Variants in H3C4 observed in about 807,000 individuals in gnomAD.
H3C4 encodes the protein histone H3.1.
A neutral mutation model predicts 8.7 loss-of-function variants in H3C4; 10 were observed. The observed-to-expected ratio is 1.15, with a 90% CI of 0.71 to 1.96. The LOEUF (loss-of-function observed/expected upper bound fraction) is 1.96. H3C4 is among the 30% of genes most tolerant of loss of function. The pLI is 0.00. For missense variants in H3C4, 216 were observed against 192.9 expected, an observed-to-expected ratio of 1.12 and a Z score of -0.71; for synonymous variants, 141 against 80.1, an observed-to-expected ratio of 1.76 and a Z score of -4.06.
chr6:26,199,249 A>G (rs752924283), upstream of H3C4: 2 of 1,591,802 alleles, frequency 1.3e-6, no homozygotes, highest in Non-Finnish European at 1.7e-6. Flanking sequence ...GACATTTTGA[A>G]TTCTTAAAAA....
chr6:26,197,260 C>A lies in H3C4; in HGVS notation c.-10G>T. 6.2e-7 allele frequency: 1 copy of A among 1,600,158 alleles called. No homozygotes were observed. The highest frequency in any genetic ancestry group is 8.5e-7 in the Non-Finnish European group (1 of 1,176,328). On this transcript the variant is annotated 5_prime_UTR_variant, in exon 1 of 1. Transcript: ENST00000356476. ...GCTTGGTACGAGCCATTGCGAACTT[C>A]TAAACCCTGCTAAATGACGAAAAAA...
At chr6:26,199,050 T>G, upstream of H3C4, 1 of 1,614,136 alleles carries the variant, frequency 6.2e-7, no homozygotes, top group Non-Finnish European at 8.5e-7. Flanking sequence ...GCCCGCCAGC[T>G]CCAGGATCTC....
rs41266801 is a variant in H3C4 at position 26,197,265 on chromosome 6, C to A, written c.-15G>T. 0.14 allele frequency: 227,360 copies of A among 1,600,818 alleles called. 16,945 individuals are homozygous for A. The highest frequency in any genetic ancestry group is 0.24 in the Middle Eastern group (1,469 of 6,018). ...GTACGAGCCATTGCGAACTTCTAAA[C>A]CCTGCTAAATGACGAAAAAACGAAA... On this transcript the variant is annotated 5_prime_UTR_variant, in exon 1 of 1. Transcript: ENST00000356476.
chr6:26,198,938 T>C (rs142041097), upstream of H3C4: 8 of 1,614,202 alleles, frequency 5.0e-6, no homozygotes, highest in Non-Finnish European at 6.8e-6. Context: ...CCTGAGCAAT[T>C]GTGACTTTAC....
chr6:26,197,131 GT>G lies in H3C4; in HGVS notation c.119del (p.His40ProfsTer23). 1 of 1,614,220 alleles carries G rather than the reference GT, an allele frequency of 6.2e-7. No homozygotes were observed. Among genetic ancestry groups the G allele is most frequent in the Non-Finnish European group, 8.5e-7 (1 of 1,180,032 alleles). On this transcript the variant is annotated frameshift_variant, in exon 1 of 1. Coordinates refer to ENST00000356476, the MANE Select transcript of H3C4 (RefSeq NM_001376937.1). LOFTEE classifies it high-confidence loss of function. ...GAGCCACCGTGCCGGGCCGGTAACG[GT>G]GGGGCTTCTTCACGCCGCCGGTGGC... ...APATGGVKKP[H>X]RYRPGTVALR...
chr6:26,198,726 A>G (rs1015165682), upstream of H3C4: 3 of 932,208 alleles, frequency 3.2e-6, 1 homozygote, highest in South Asian at 3.5e-5. Context: ...AAAAATTATT[A>G]AAGAAAACTG....
At position 26,196,841 on chromosome 6, in the gene H3C4, T is replaced by A. The variant is rs1311321510; in HGVS notation, c.410A>T (p.Ter137LeuextTer4). 1.2e-6 allele frequency: 2 copies of A among 1,614,106 alleles called. No individual in the cohort carries two copies. Among genetic ancestry groups the A allele is most frequent in the African/African-American group, 2.7e-5 (2 of 74,948 alleles). ...GTTAGCACACATTCACAAGACAATT[T>A]ACGCCCTCTCCCCACGAATGCGGCG... Reference protein sequence around the residue: ...LARRIRGERA* With the variant: ...LARRIRGERAL The change falls in exon 1 of 1, where the codon TAA becomes TTA. Residue 137 changes from the stop codon to leucine (L), a stop_lost. Transcript: ENST00000356476.
chr6:26,197,061 G>C lies in H3C4; in HGVS notation c.190C>G (p.Arg64Gly). The change falls in exon 1 of 1, where the codon CGC (arginine) becomes GGC (glycine). Residue 64 changes from arginine (R) to glycine (G), a missense_variant. Coordinates refer to ENST00000356476, the MANE Select transcript of H3C4 (RefSeq NM_001376937.1). Reference protein sequence around the residue: ...RYQKSTELLIRKLPFQRLVRE... With the variant: ...RYQKSTELLIGKLPFQRLVRE... ...ACTAGACGCTGGAATGGCAGTTTGC[G>C]AATCAGCAGCTCGGTCGACTTCTGG... 6.2e-7 allele frequency: 1 copy of C among 1,614,244 alleles called. No homozygotes were observed. Among genetic ancestry groups the C allele is most frequent in the Non-Finnish European group, 8.5e-7 (1 of 1,180,042 alleles).
chr6:26,197,404 T>G, upstream of H3C4: 2 of 683,810 alleles, frequency 2.9e-6, no homozygotes, highest in African/African-American at 1.8e-5. Flanking sequence ...GAACATCTCC[T>G]GCATGTAGAC....
chr6:26,197,621 C>A (rs548664463), upstream of H3C4, among the ~76,000 whole-genome samples: 5 of 151,988 alleles, frequency 3.3e-5, no homozygotes, highest in Non-Finnish European at 1.5e-5. Context: ...AAGACGCGCG[C>A]TAGTTGTGAT....
Position 26,196,815 on chromosome 6 carries a change from G to A in H3C4, c.*25C>T, listed in dbSNP as rs1443250153. The A allele has an allele frequency of 9.9e-6, 16 of 1,613,616 alleles. No individual in the cohort carries two copies. Among genetic ancestry groups the A allele is most frequent in the Non-Finnish European group, 1.4e-5 (16 of 1,179,646 alleles). On this transcript the variant is annotated 3_prime_UTR_variant, in exon 1 of 1. Coordinates refer to ENST00000356476, the MANE Select transcript of H3C4 (RefSeq NM_001376937.1). ...GCTCTGAAAAGAGCCTTTGGGTTTT[G>A]GTTAGCACACATTCACAAGACAATT...
At chr6:26,199,178 G>A (rs138430545), upstream of H3C4, 49 of 1,614,086 alleles carry the variant, frequency 3.0e-5, no homozygotes, top group East Asian at 2.9e-4. Context: ...ACTGGAGTCC[G>A]GCCCGCGAAG....
At chr6:26,199,283 A>G (rs1469832679), upstream of H3C4, 2 of 1,575,444 alleles carry the variant, frequency 1.3e-6, no homozygotes, top group Non-Finnish European at 1.7e-6. Context: ...TGAAGACAAA[A>G]ATGTAAAAGT....
upstream of H3C4, chr6:26,199,211 G>A (rs761246386): frequency 6.8e-6 from 11 of 1,608,706 alleles, no homozygotes; most frequent in East Asian, 2.2e-5. Context: ...CCTTAGCTCG[G>A]GCCTTTCCGC....
upstream of H3C4, among the ~76,000 whole-genome samples, chr6:26,198,000 G>T (rs920772773): frequency 6.6e-6 from 1 of 151,222 alleles, no homozygotes; most frequent in African/African-American, 2.4e-5. Flanking sequence ...GGCTCCAGGG[G>T]ATGTAGGTTT....
chr6:26,197,567 T>C (rs543354504), upstream of H3C4, among the ~76,000 whole-genome samples: 1 of 152,312 alleles, frequency 6.6e-6, no homozygotes, highest in Non-Finnish European at 1.5e-5. Context: ...CTTAATTTTT[T>C]TTTAAATGTT....
chr6:26,199,139 G>C (rs372864503), upstream of H3C4: 37 of 1,614,112 alleles, frequency 2.3e-5, no homozygotes, highest in Non-Finnish European at 3.1e-5. Context: ...TGCCCTTGCG[G>C]AGCAAGCGGT....
At chr6:26,198,965 C>T (rs1330185499), upstream of H3C4, 9 of 1,614,226 alleles carry the variant, frequency 5.6e-6, no homozygotes, top group East Asian at 4.5e-5. Context: ...ACTTGTTTAG[C>T]TCCTCGTCGT....
upstream of H3C4, chr6:26,199,134 T>A (rs754649939): frequency 6.2e-7 from 1 of 1,614,098 alleles, no homozygotes; most frequent in Non-Finnish European, 8.5e-7. Context: ...GTAGTTGCCC[T>A]TGCGGAGCAA....
Sources: allele counts gnomAD v4.1 joint callset (sites outside exome capture counted in the v4.1 genomes callset), GRCh38; gene constraint gnomAD v4.1.1; transcripts MANE v1.5; gene names NCBI Gene and HGNC (gene_info 2026-07-23, HGNC 2026-07-21).